Variants in MRAP2 observed in about 807,000 individuals in gnomAD.
MRAP2 encodes melanocortin-2 receptor accessory protein 2.
In MRAP2, 20 loss-of-function variants were observed where a neutral mutation model predicts 17.4. The observed-to-expected ratio is 1.15, with a 90% CI of 0.81 to 1.67. The LOEUF is 1.67. MRAP2 is among the 40% of genes most tolerant of loss of function. The probability of loss-of-function intolerance (pLI) is 0.00; values close to 1 mark genes in which losing one functional copy is unlikely to be tolerated. For synonymous variants in MRAP2, 96 were observed against 88.4 expected (o/e 1.09, Z -0.48); for missense variants, 238 against 240.0 (o/e 0.99, Z 0.05).
chr6:84,083,608 G>A (rs1168681489), intron 3 of MRAP2, among the ~76,000 whole-genome samples: 1 of 152,100 alleles, frequency 6.6e-6, no homozygotes, highest in African/African-American at 2.4e-5. Flanking sequence ...AAAATTGTAT[G>A]CTGACAATTT....
chr6:84,058,597 T>C (rs2099492282), intron 2 of MRAP2, among the ~76,000 whole-genome samples: 1 of 152,112 alleles, frequency 6.6e-6, no homozygotes, highest in Non-Finnish European at 1.5e-5. Flanking sequence ...CATCAGCATG[T>C]AAACGGTATG....
chr6:84,125,610 C>T, the MRAP2 span, among the ~76,000 whole-genome samples: 9 of 152,014 alleles, frequency 5.9e-5, no homozygotes, highest in Non-Finnish European at 5.9e-5. Flanking sequence ...CTAGAGACAC[C>T]GAAGAGATCA....
At chr6:84,132,899 G>A in the MRAP2 span, among the ~76,000 whole-genome samples, 1 of 152,162 alleles carries the variant, frequency 6.6e-6, no homozygotes, top group South Asian at 2.1e-4. Context: ...AACACAGCTG[G>A]CAAGGAGCTG....
intron 3 of MRAP2, among the ~76,000 whole-genome samples, chr6:84,086,130 G>A (rs894727640): frequency 3.9e-5 from 6 of 152,160 alleles, no homozygotes; most frequent in Non-Finnish European, 7.3e-5. Flanking sequence ...AGAAAATGAT[G>A]TTTACATGGT....
chr6:84,125,899 C>T, the MRAP2 span, among the ~76,000 whole-genome samples: 2 of 152,178 alleles, frequency 1.3e-5, no homozygotes, highest in Non-Finnish European at 2.9e-5. Context: ...AGTTAAATTT[C>T]AGCACCAAGG....
the MRAP2 span, among the ~76,000 whole-genome samples, chr6:84,101,343 TG>T: frequency 2.4e-3 from 358 of 152,340 alleles, 1 homozygote; most frequent in African/African-American, 7.9e-3. Flanking sequence ...GCCTGCTTTT[TG>T]TAGGGCCTAA....
At chr6:84,144,955 CA>C in the MRAP2 span, among the ~76,000 whole-genome samples, 1 of 152,002 alleles carries the variant, frequency 6.6e-6, no homozygotes, top group Non-Finnish European at 1.5e-5. Flanking sequence ...TGCATAAGTT[CA>C]GTAAGAATCT....
chr6:84,045,595 T>C (rs1031731647), intron 1 of MRAP2, among the ~76,000 whole-genome samples: 13 of 152,054 alleles, frequency 8.5e-5, no homozygotes, highest in South Asian at 2.1e-4. Context: ...AAACCCCGTC[T>C]CTCCTAAAAA....
the MRAP2 span, among the ~76,000 whole-genome samples, chr6:84,104,392 G>A: frequency 2.0e-5 from 3 of 152,152 alleles, no homozygotes; most frequent in Admixed American, 6.5e-5. Flanking sequence ...ATAAAAATTC[G>A]GCTCCTCATT....
the MRAP2 span, among the ~76,000 whole-genome samples, chr6:84,127,933 TAGTC>T: frequency 7.2e-5 from 11 of 152,224 alleles, no homozygotes; most frequent in African/African-American, 1.9e-4. Context: ...GGGTAAGTAG[TAGTC>T]AGTCATTATA....
At chr6:84,123,854 G>A in the MRAP2 span, among the ~76,000 whole-genome samples, 2 of 151,934 alleles carry the variant, frequency 1.3e-5, no homozygotes, top group Non-Finnish European at 2.9e-5. Context: ...CAGGTACAAG[G>A]AACTAAAACA....
rs2099485215 is a variant in MRAP2 at position 84,033,867 on chromosome 6, C to T, written c.-24C>T. ...CCGGAACCAGGGCCGAGCCCGCGGG[C>T]CGGGGCTAGCCAGCCGGTAACCACG... On this transcript the variant is annotated 5_prime_UTR_variant, in exon 1 of 4. Transcript: ENST00000257776. The T allele has an allele frequency of 1.0e-6, 1 of 973,648 alleles. No homozygotes were observed. Among genetic ancestry groups the T allele is most frequent in the Non-Finnish European group, 1.2e-6 (1 of 829,982 alleles). 60.3% of individuals were successfully genotyped at this position (973,648 alleles called of 1,614,324 possible).
chr6:84,109,892 G>T, the MRAP2 span, among the ~76,000 whole-genome samples: 1 of 152,118 alleles, frequency 6.6e-6, no homozygotes, highest in Admixed American at 6.5e-5. Context: ...GAGAATGATG[G>T]TTTCCAGCTT....
chr6:84,047,934 G>A (rs2099489460), intron 1 of MRAP2, among the ~76,000 whole-genome samples: 1 of 152,188 alleles, frequency 6.6e-6, no homozygotes, highest in African/African-American at 2.4e-5. Context: ...GTTCATCAAT[G>A]TTGTGGCATG....
chr6:84,073,579 T>C (rs2099496798), intron 3 of MRAP2, among the ~76,000 whole-genome samples: 1 of 152,128 alleles, frequency 6.6e-6, no homozygotes, highest in South Asian at 2.1e-4. Context: ...CAAGTTGGAG[T>C]TGCAATCTAG....
At chr6:84,116,138 C>T in the MRAP2 span, among the ~76,000 whole-genome samples, 1 of 152,086 alleles carries the variant, frequency 6.6e-6, no homozygotes, top group African/African-American at 2.4e-5. Flanking sequence ...TGCTGACTGC[C>T]CTGGCCAGAA....
At chr6:84,051,156 C>T (rs568620634) in intron 1 of MRAP2, among the ~76,000 whole-genome samples, 1 of 152,322 alleles carries the variant, frequency 6.6e-6, no homozygotes, top group Admixed American at 6.5e-5. Flanking sequence ...CGTAATCCAC[C>T]AGGGATATTG....
chr6:84,047,997 T>C (rs1334519921), intron 1 of MRAP2, among the ~76,000 whole-genome samples: 2 of 152,252 alleles, frequency 1.3e-5, no homozygotes, highest in African/African-American at 4.8e-5. Flanking sequence ...ATATACAACA[T>C]TTTATTTATC....
chr6:84,105,411 AAGAG>A, the MRAP2 span, among the ~76,000 whole-genome samples: 1 of 152,084 alleles, frequency 6.6e-6, no homozygotes, highest in African/African-American at 2.4e-5. Context: ...ACAGCAGGCA[AAGAG>A]AGAGAGAGCT....
Sources: allele counts gnomAD v4.1 joint callset (sites outside exome capture counted in the v4.1 genomes callset), GRCh38; gene constraint gnomAD v4.1.1; transcripts MANE v1.5; gene names NCBI Gene and HGNC (gene_info 2026-07-23, HGNC 2026-07-21).